Variants in DNM1L observed in about 807,000 individuals in gnomAD.
DNM1L encodes the protein dynamin-1-like protein.
In DNM1L, 33 loss-of-function variants were observed where a neutral mutation model predicts 92.8. The ratio of observed to expected loss-of-function variants is 0.36; its 90% CI spans 0.27 to 0.48. The LOEUF (loss-of-function observed/expected upper bound fraction) is 0.48, where lower values mean the gene tolerates loss of function less well. Among genes scored for constraint, DNM1L ranks in the 20% least tolerant of loss-of-function variants. The pLI is 0.99. For missense variants in DNM1L, 485 were observed against 888.8 expected (o/e 0.55, Z 5.78); for synonymous variants, 284 against 305.0 (o/e 0.93, Z 0.72).
intron 1 of DNM1L, among the ~76,000 whole-genome samples, chr12:32,697,353 A>G (rs1174765980): frequency 6.6e-6 from 1 of 152,220 alleles, no homozygotes; most frequent in African/African-American, 2.4e-5. Flanking sequence ...AGACACATTA[A>G]AGACTGGTGA....
At chr12:32,691,439 T>G (rs1952230404) in intron 1 of DNM1L, among the ~76,000 whole-genome samples, 1 of 152,124 alleles carries the variant, frequency 6.6e-6, no homozygotes, top group South Asian at 2.1e-4. Flanking sequence ...GGGTTGGGTT[T>G]TCACCATGTT....
In DNM1L at chr12:32,731,298, C is replaced by T; in HGVS notation, c.1201-58C>T. 2 of 1,609,338 alleles carry T rather than the reference C, an allele frequency of 1.2e-6. No homozygotes were observed. The highest frequency in any genetic ancestry group is 8.5e-7 in the Non-Finnish European group (1 of 1,177,146). On this transcript the variant is annotated intron_variant, in intron 10 of 19. Transcript: ENST00000549701. The surrounding 1 kb of genome is among the most constrained non-coding windows in gnomAD (Gnocchi z 5.1). ...AGTACCAAAAATGTGACTTTCTTAACCCTTGGGAAGAACTGAAATTACATA... is the reference window on the plus strand; with the variant it reads ...AGTACCAAAAATGTGACTTTCTTAATCCTTGGGAAGAACTGAAATTACATA...
intron 1 of DNM1L, among the ~76,000 whole-genome samples, chr12:32,697,023 G>C (rs1952497250): frequency 6.7e-6 from 1 of 148,996 alleles, no homozygotes. Context: ...GAGGTCAGGA[G>C]TTTGAGACCA....
chr12:32,688,940 G>A (rs1012129394), intron 1 of DNM1L, among the ~76,000 whole-genome samples: 2 of 152,200 alleles, frequency 1.3e-5, no homozygotes, highest in African/African-American at 4.8e-5. Context: ...GCCTGTGCCT[G>A]TAGTCCCTTT....
chr12:32,691,871 T>C (rs1479128063), intron 1 of DNM1L, among the ~76,000 whole-genome samples: 1 of 152,026 alleles, frequency 6.6e-6, no homozygotes, highest in South Asian at 2.1e-4. Flanking sequence ...CAGGTCTCAA[T>C]TGCTGCACAT....
intron 8 of DNM1L, 114 bp from the exon 9 acceptor site, chr12:32,722,313 C>A: frequency 3.5e-6 from 3 of 860,072 alleles, no homozygotes; most frequent in Non-Finnish European, 5.6e-6. Context: ...CACAGTATCA[C>A]ATTTGCCAGG....
intron 6 of DNM1L, among the ~76,000 whole-genome samples, chr12:32,714,810 G>C (rs1953289766): frequency 6.7e-6 from 1 of 150,186 alleles, no homozygotes; most frequent in South Asian, 2.1e-4. Context: ...AGCAAAGTGA[G>C]AGCCCCATCT....
intron 9 of DNM1L, chr12:32,726,556 GCT>G (rs1954160975): frequency 1.7e-6 from 2 of 1,191,348 alleles, no homozygotes; most frequent in Non-Finnish European, 2.5e-6. Flanking sequence ...GGGATTGTAT[GCT>G]CACGTAAAAA....
intron 1 of DNM1L, among the ~76,000 whole-genome samples, chr12:32,698,701 A>G (rs1952569929): frequency 1.4e-5 from 2 of 147,798 alleles, no homozygotes; most frequent in Admixed American, 6.7e-5. Context: ...GTATAGAAAA[A>G]TAAGTTTATT....
intron 9 of DNM1L, chr12:32,727,188 A>G (rs976522212): frequency 5.3e-6 from 5 of 946,378 alleles, no homozygotes; most frequent in Non-Finnish European, 8.7e-6. Flanking sequence ...AGGTTCATAA[A>G]TTGTATTAGT....
intron 12 of DNM1L, chr12:32,732,442 T>A (rs1954614431): frequency 1.8e-5 from 8 of 447,774 alleles, no homozygotes; most frequent in South Asian, 1.3e-4. Context: ...AATGCTGAAA[T>A]TGGCAGAAAT....
At chr12:32,738,359 T>C in intron 16 of DNM1L, 63 bp downstream of exon 16, 2 of 1,566,100 alleles carry the variant, frequency 1.3e-6, no homozygotes, top group East Asian at 2.3e-5. Flanking sequence ...ACACTGTCTA[T>C]ACCACCATTA....
intron 19 of DNM1L, 58 bp from the exon 20 acceptor site, chr12:32,743,296 T>A (rs1955446191): frequency 6.7e-6 from 10 of 1,490,298 alleles, no homozygotes; most frequent in Non-Finnish European, 9.2e-6. Context: ...CCTGCGTAAT[T>A]CAGATTAATT....
At chr12:32,700,837 A>G (rs553004161) in intron 1 of DNM1L, among the ~76,000 whole-genome samples, 78 of 152,332 alleles carry the variant, frequency 5.1e-4, no homozygotes, top group African/African-American at 1.8e-3. Context: ...ATGATTTTAT[A>G]TATACCAATA....
At position 32,731,451 on chromosome 12, in the gene DNM1L, G is replaced by A; in HGVS notation, c.1296G>A (p.Val432=). ...KRLEEPSLRC[V]ELVHEEMQRI... ...TAGAAGAGCCCAGCCTCCGCTGTGT[G>A]GAACTGGTTCATGAGGAAATGCAAA... The change falls in exon 11 of 20, where the codon GTG becomes GTA. Residue 432 remains valine (V), a synonymous_variant. Coordinates refer to ENST00000549701, the MANE Select transcript of DNM1L (RefSeq NM_012062.5). This position sits in a 1 kb window ranked among gnomAD's most constrained non-coding sequence, Gnocchi z 5.1. 1 of 1,614,134 alleles carries A rather than the reference G, an allele frequency of 6.2e-7. No individual in the cohort carries two copies. The highest frequency in any genetic ancestry group is 8.5e-7 in the Non-Finnish European group (1 of 1,180,018).
chr12:32,741,403 A>G (rs143138459), intron 18 of DNM1L, among the ~76,000 whole-genome samples: 1,558 of 152,258 alleles, frequency 0.01, 34 homozygotes, highest in African/African-American at 0.035. Flanking sequence ...CTCCTGCCTC[A>G]GCCTCCTGAG....
At position 32,730,477 on chromosome 12, in the gene DNM1L, C is replaced by T. The variant is rs935448127; in HGVS notation, c.1080-537C>T. Reference sequence around the variant, plus strand: ...CAGCACTTTGGGAGGTCAAGGCGGGCGGATCACTTGAGGTCAGGAGTTTGA... The same window carrying T: ...CAGCACTTTGGGAGGTCAAGGCGGGTGGATCACTTGAGGTCAGGAGTTTGA... On this transcript the variant is annotated intron_variant, in intron 9 of 19. Transcript: ENST00000549701. Among the ~76,000 whole-genome samples, 8 of 152,314 alleles carry T rather than the reference C, an allele frequency of 5.3e-5. No homozygotes were observed. In the South Asian group the frequency reaches 1.2e-3, roughly 24 times the overall value.
At chr12:32,693,633 CTTTTCTT>C (rs1270489538) in intron 1 of DNM1L, among the ~76,000 whole-genome samples, 2 of 151,882 alleles carry the variant, frequency 1.3e-5, no homozygotes, top group Admixed American at 6.6e-5. Flanking sequence ...TCACCTTAAA[CTTTTCTT>C]TTTTCTTTTC....
At chr12:32,738,394 CTA>C (rs1565542320) in intron 16 of DNM1L, 98 bp downstream of exon 16, 1 of 1,288,880 alleles carries the variant, frequency 7.8e-7, no homozygotes, top group African/African-American at 1.5e-5. Context: ...GTAGTGGTAT[CTA>C]TCTCTTGTCT....
Sources: gnomAD v4.1 joint callset for allele counts (sites outside exome capture counted in the v4.1 genomes callset) on GRCh38, gnomAD v4.1.1 for gene constraint, Gnocchi (gnomAD v3.1) non-coding constraint, MANE v1.5 for transcripts, NCBI Gene and HGNC (gene_info 2026-07-23, HGNC 2026-07-21) for gene names.